Variants in DHX8 observed in about 807,000 individuals in gnomAD.
The protein encoded by DHX8 is ATP-dependent RNA helicase DHX8.
DHX8 carries 67 observed loss-of-function variants against 140.7 expected under a neutral mutation model. The ratio of observed to expected loss-of-function variants is 0.48; its 90% CI spans 0.39 to 0.58. The LOEUF (loss-of-function observed/expected upper bound fraction) is 0.58, where lower values mean the gene tolerates loss of function less well. Among genes scored for constraint, DHX8 ranks in the 20% least tolerant of loss-of-function variants. The pLI is 0.00. For missense variants in DHX8, 887 were observed against 1,550.7 expected (o/e 0.57, Z 7.19); for synonymous variants, 533 against 553.2 (o/e 0.96, Z 0.51).
rs530991006 is a variant in DHX8 at position 43,502,757 on chromosome 17, C to T, written c.1547-1887C>T. 5.9e-5 allele frequency among the ~76,000 whole-genome samples: 9 copies of T among 152,024 alleles called. No homozygotes were observed. In the East Asian group the frequency reaches 1.5e-3, roughly 26 times the overall value. On this transcript the variant is annotated intron_variant, in intron 11 of 22. Transcript: ENST00000262415. ...TATTTTAAAATTAAATTTTTAAAAA[C>T]GACAAAAATAAAAACCAAAATATTA...
intron 3 of DHX8, among the ~76,000 whole-genome samples, chr17:43,542,665 C>A (rs1302350256): frequency 6.6e-6 from 1 of 152,128 alleles, no homozygotes; most frequent in East Asian, 1.9e-4. Context: ...TAAAGCCGCA[C>A]TCACACTCAC....
At chr17:43,541,699 T>C (rs368947068) in intron 3 of DHX8, among the ~76,000 whole-genome samples, 14 of 151,964 alleles carry the variant, frequency 9.2e-5, no homozygotes, top group African/African-American at 3.4e-4. Flanking sequence ...GTGAAGGGGG[T>C]AGAGGCATTC....
chr17:43,528,528 G>A, downstream of DHX8: 1 of 1,607,644 alleles, frequency 6.2e-7, no homozygotes, highest in East Asian at 2.2e-5. Flanking sequence ...GCTAGTAAGA[G>A]TAGCCACCCT....
intron 9 of DHX8, 58 bp downstream of exon 9, chr17:43,496,326 G>A: frequency 8.0e-7 from 1 of 1,247,188 alleles, no homozygotes; most frequent in Non-Finnish European, 1.2e-6. Flanking sequence ...TGAATTGGGT[G>A]ATTTGCCTGT....
At chr17:43,486,794 C>T (rs949968385) in intron 1 of DHX8, among the ~76,000 whole-genome samples, 5 of 150,428 alleles carry the variant, frequency 3.3e-5, no homozygotes, top group Non-Finnish European at 7.4e-5. Flanking sequence ...AGGAGAATCA[C>T]TTGAACCTGG....
intron 8 of DHX8, among the ~76,000 whole-genome samples, chr17:43,494,447 C>T (rs976142189): frequency 1.3e-5 from 2 of 151,998 alleles, no homozygotes; most frequent in African/African-American, 4.8e-5. Flanking sequence ...AGTCGTTGGG[C>T]GTGATGGCTC....
intron 1 of DHX8, among the ~76,000 whole-genome samples, chr17:43,489,248 G>T (rs984326351): frequency 2.6e-5 from 4 of 152,064 alleles, no homozygotes; most frequent in Non-Finnish European, 5.9e-5. Context: ...CAAGTGATCC[G>T]CCTGCCTTGG....
downstream of DHX8, chr17:43,526,002 G>A (rs2154586965): frequency 3.0e-6 from 3 of 985,382 alleles, no homozygotes; most frequent in Non-Finnish European, 2.4e-6. Context: ...CCATTCTGTG[G>A]GTGTTCCTTG....
intron 19 of DHX8, among the ~76,000 whole-genome samples, chr17:43,520,479 G>A (rs1012498737): frequency 6.6e-6 from 1 of 152,356 alleles, no homozygotes; most frequent in Non-Finnish European, 1.5e-5. Context: ...GCCTGAGGAT[G>A]TATTACTGAA....
chr17:43,486,710 C>A (rs543267527), intron 1 of DHX8, among the ~76,000 whole-genome samples: 4 of 152,042 alleles, frequency 2.6e-5, no homozygotes, highest in Non-Finnish European at 5.9e-5. Flanking sequence ...GAAACCCTGT[C>A]TTACTAAAAA....
downstream of DHX8, chr17:43,527,780 G>T (rs1970662124): frequency 4.6e-6 from 1 of 215,988 alleles, no homozygotes; most frequent in Non-Finnish European, 9.3e-6. Context: ...TCTGCTTCAA[G>T]ACCAGAGCTC....
At chr17:43,536,261 A>G in intron 2 of DHX8, 1 of 692,138 alleles carries the variant, frequency 1.4e-6, no homozygotes. Flanking sequence ...GTCAAGCCCC[A>G]GATTTCAACC....
chr17:43,504,433 T>C (rs1275635676), intron 11 of DHX8, among the ~76,000 whole-genome samples: 2 of 152,202 alleles, frequency 1.3e-5, no homozygotes, highest in Non-Finnish European at 2.9e-5. Context: ...ATCACAGGTG[T>C]GTAGCACCAC....
At chr17:43,496,615 T>TA (rs1968875531) in intron 9 of DHX8, among the ~76,000 whole-genome samples, 1 of 152,032 alleles carries the variant, frequency 6.6e-6, no homozygotes, top group Admixed American at 6.6e-5. Context: ...GTGTCTCTAC[T>TA]AAAAAAATAC....
Position 43,521,574 on chromosome 17 carries a change from G to A in DHX8, c.3263+9G>A. 4 of 1,605,036 alleles carry A rather than the reference G, an allele frequency of 2.5e-6. No homozygotes were observed. Among genetic ancestry groups the A allele is most frequent in the Middle Eastern group, 1.7e-4 (1 of 6,024 alleles). The stretch of plus-strand genomic sequence containing the variant: ...TTAGGCATAATGGACAGGTAAGCTG[G>A]AATCTGATGACTCTGCATGTTTGAG... On this transcript the variant is annotated intron_variant, in intron 21 of 22. Coordinates refer to ENST00000262415, the MANE Select transcript of DHX8 (RefSeq NM_004941.3).
At position 43,524,020 on chromosome 17, in the gene DHX8, C is replaced by T; in HGVS notation, c.*173C>T. 2 of 1,434,688 alleles carry T rather than the reference C, an allele frequency of 1.4e-6. No individual in the cohort carries two copies. Among genetic ancestry groups the T allele is most frequent in the Non-Finnish European group, 1.8e-6 (2 of 1,099,166 alleles). The allele number at this position is 1,434,688 out of a possible 1,614,324, so 88.9% of individuals were successfully genotyped here. On this transcript the variant is annotated 3_prime_UTR_variant, in exon 23 of 23. Coordinates refer to ENST00000262415, the MANE Select transcript of DHX8 (RefSeq NM_004941.3). ...GGTAAAATAGAAACAGGGATTTAAA[C>T]CTGGCTTTGGCAAGAGCCTGCAGCC...
intron 1 of DHX8, among the ~76,000 whole-genome samples, chr17:43,487,305 G>A (rs1169558126): frequency 6.6e-6 from 1 of 152,204 alleles, no homozygotes; most frequent in Non-Finnish European, 1.5e-5. Context: ...TTATCAGAAA[G>A]ATAAAGGCAC....
chr17:43,526,289 C>T (rs1040910354), downstream of DHX8: 2 of 1,372,162 alleles, frequency 1.5e-6, no homozygotes, highest in African/African-American at 2.9e-5. Context: ...TCTTCTTGGC[C>T]ATTAAAGTAT....
Position 43,507,968 on chromosome 17 carries a change from C to T in DHX8, c.2269C>T (p.Leu757=), listed in dbSNP as rs543799083. The T allele has an allele frequency of 2.5e-6, 4 of 1,614,214 alleles. No individual in the cohort carries two copies. In the South Asian group the frequency reaches 3.3e-5, roughly 13 times the overall value. The stretch of plus-strand genomic sequence containing the variant: ...CACAAAGGAACCTGAGACAGATTAT[C>T]TGGATGCCAGCCTGATTACTGTTAT... The part of the protein sequence containing the change: ...LYTKEPETDY[L]DASLITVMQI... Residue 757 remains leucine (L), a synonymous_variant, in exon 15 of 23, where the codon CTG becomes TTG. Coordinates refer to ENST00000262415, the MANE Select transcript of DHX8 (RefSeq NM_004941.3).
Sources: gnomAD v4.1 joint callset for allele counts (sites outside exome capture counted in the v4.1 genomes callset) on GRCh38, gnomAD v4.1.1 for gene constraint, MANE v1.5 for transcripts, NCBI Gene and HGNC (gene_info 2026-07-23, HGNC 2026-07-21) for gene names.